LRFN5: variants seen among roughly 807,000 people sequenced by gnomAD.
LRFN5 encodes the protein leucine rich repeat and fibronectin type III domain containing 5.
LRFN5 carries 24 observed loss-of-function variants against 45.6 expected under a neutral mutation model. The ratio of observed to expected loss-of-function variants is 0.53; its 90% CI spans 0.38 to 0.74. The LOEUF (loss-of-function observed/expected upper bound fraction) is 0.74. Among genes scored for constraint, LRFN5 ranks in the 30% least tolerant of loss-of-function variants. LRFN5 has a pLI of 0.00. For missense variants in LRFN5, 776 were observed against 861.5 expected, an observed-to-expected ratio of 0.90 and a Z score of 1.24; for synonymous variants, 340 against 313.8, an observed-to-expected ratio of 1.08 and a Z score of -0.88.
chr14:41,760,103 T>A (rs1885597596), intron 1 of LRFN5, among the ~76,000 whole-genome samples: 3 of 152,214 alleles, frequency 2.0e-5, no homozygotes, highest in Non-Finnish European at 4.4e-5. Flanking sequence ...TATTTGTATT[T>A]GCTTCTATTT....
At chr14:41,688,910 C>CAAAAAA (rs59803978) in intron 1 of LRFN5, among the ~76,000 whole-genome samples, 2 of 125,280 alleles carry the variant, frequency 1.6e-5, no homozygotes, top group African/African-American at 5.8e-5. Flanking sequence ...CTATTTCTAC[C>CAAAAAA]AAAAAAAAAA....
chr14:41,745,648 A>AGG (rs1566649219), intron 1 of LRFN5, among the ~76,000 whole-genome samples: 1 of 150,716 alleles, frequency 6.6e-6, no homozygotes, highest in Admixed American at 6.6e-5. Flanking sequence ...AGAAAAAAAG[A>AGG]GAAGATTCAA....
chr14:41,829,558 G>A (rs1392745560), intron 2 of LRFN5, among the ~76,000 whole-genome samples: 4 of 151,600 alleles, frequency 2.6e-5, no homozygotes, highest in Admixed American at 2.6e-4. Context: ...ATTAATGGTT[G>A]TGTTCCTCTT....
intron 2 of LRFN5, among the ~76,000 whole-genome samples, chr14:41,852,139 A>G (rs1372377519): frequency 2.0e-5 from 3 of 151,934 alleles, no homozygotes; most frequent in African/African-American, 7.2e-5. Flanking sequence ...TACCATTTTC[A>G]GTCTTCTTTT....
At chr14:41,682,488 T>G (rs1455615267) in intron 1 of LRFN5, among the ~76,000 whole-genome samples, 2 of 151,850 alleles carry the variant, frequency 1.3e-5, no homozygotes, top group Non-Finnish European at 1.5e-5. Context: ...AGAGCAGAAA[T>G]AAATGAAATT....
intron 1 of LRFN5, among the ~76,000 whole-genome samples, chr14:41,619,055 T>C (rs1888023511): frequency 8.4e-6 from 1 of 119,316 alleles, no homozygotes; most frequent in African/African-American, 3.1e-5. Flanking sequence ...AGGAGTAATT[T>C]CACCTAAAAC....
At chr14:41,880,480 A>C (rs1890342433) in intron 2 of LRFN5, among the ~76,000 whole-genome samples, 1 of 152,130 alleles carries the variant, frequency 6.6e-6, no homozygotes, top group South Asian at 2.1e-4. Context: ...ATAAATTGTT[A>C]TACTTTAATT....
intron 1 of LRFN5, among the ~76,000 whole-genome samples, chr14:41,610,549 A>T (rs1265912804): frequency 6.6e-6 from 1 of 150,648 alleles, no homozygotes; most frequent in Admixed American, 6.6e-5. Context: ...CATGATTTCC[A>T]CTCTTCAGAT....
At chr14:41,639,696 C>G (rs1249190520) in intron 1 of LRFN5, among the ~76,000 whole-genome samples, 2 of 152,026 alleles carry the variant, frequency 1.3e-5, no homozygotes, top group Admixed American at 1.3e-4. Context: ...CAATTATTAT[C>G]AAATAACTAG....
intron 1 of LRFN5, among the ~76,000 whole-genome samples, chr14:41,647,173 G>A (rs529676494): frequency 4.6e-5 from 7 of 152,160 alleles, no homozygotes; most frequent in African/African-American, 1.7e-4. Flanking sequence ...TGTGATTTTA[G>A]TGTATTTGGA....
intron 2 of LRFN5, among the ~76,000 whole-genome samples, chr14:41,863,007 G>A (rs1430751371): frequency 1.3e-5 from 2 of 151,776 alleles, no homozygotes; most frequent in African/African-American, 2.4e-5. Flanking sequence ...TGGGACTACA[G>A]GCGCCCGCCA....
intron 1 of LRFN5, among the ~76,000 whole-genome samples, chr14:41,741,247 A>G (rs1429833717): frequency 6.6e-6 from 1 of 151,912 alleles, no homozygotes; most frequent in East Asian, 1.9e-4. Context: ...GAATAGCTGA[A>G]GCAATTGAGC....
chr14:41,762,984 G>C (rs1885732083), intron 1 of LRFN5, among the ~76,000 whole-genome samples: 1 of 152,084 alleles, frequency 6.6e-6, no homozygotes, highest in Non-Finnish European at 1.5e-5. Flanking sequence ...GATACCATTT[G>C]ATGGATTCAT....
chr14:41,620,320 A>C (rs1888075989), intron 1 of LRFN5, among the ~76,000 whole-genome samples: 1 of 152,146 alleles, frequency 6.6e-6, no homozygotes, highest in South Asian at 2.1e-4. Context: ...TCTAATAGGC[A>C]GGACCAATCC....
chr14:41,680,171 C>T (rs1281528224), intron 1 of LRFN5, among the ~76,000 whole-genome samples: 9 of 152,118 alleles, frequency 5.9e-5, no homozygotes, highest in Admixed American at 5.2e-4. Flanking sequence ...TCTGGACCTG[C>T]CTGGGACCAA....
chr14:41,703,527 G>A (rs1162370005), intron 1 of LRFN5, among the ~76,000 whole-genome samples: 1 of 151,990 alleles, frequency 6.6e-6, no homozygotes. Flanking sequence ...AGCAATGACA[G>A]GTAAGACAGT....
At chr14:41,794,796 C>T (rs1228740988) in intron 2 of LRFN5, among the ~76,000 whole-genome samples, 1 of 151,892 alleles carries the variant, frequency 6.6e-6, no homozygotes, top group Non-Finnish European at 1.5e-5. Context: ...GTAAGCATTG[C>T]AGCATATAAA....
intron 2 of LRFN5, among the ~76,000 whole-genome samples, chr14:41,822,074 G>A (rs905040265): frequency 6.6e-6 from 1 of 151,686 alleles, no homozygotes; most frequent in African/African-American, 2.4e-5. Context: ...AATCTAGCAA[G>A]CATCCTAGCA....
intron 2 of LRFN5, among the ~76,000 whole-genome samples, chr14:41,780,170 C>G (rs1177181941): frequency 6.6e-6 from 1 of 151,530 alleles, no homozygotes; most frequent in Non-Finnish European, 1.5e-5. Context: ...TTTTCTTGAG[C>G]CTTTGACATG....
Sources: gnomAD v4.1 joint callset for allele counts (sites outside exome capture counted in the v4.1 genomes callset) on GRCh38, gnomAD v4.1.1 for gene constraint, MANE v1.5 for transcripts, NCBI Gene and HGNC (gene_info 2026-07-23, HGNC 2026-07-21) for gene names.